The following SV2B variants were observed in gnomAD, a reference collection of about 807,000 sequenced individuals.
The protein encoded by SV2B is solute carrier family 22 member B2.
Under a neutral mutation model 73.9 loss-of-function variants are expected in SV2B, and 41 were observed. The ratio of observed to expected loss-of-function variants is 0.56; its 90% confidence interval spans 0.43 to 0.72. The LOEUF (loss-of-function observed/expected upper bound fraction) is 0.72. SV2B is among the 30% of genes least tolerant of loss of function. SV2B has a pLI of 0.00. For missense variants in SV2B, 764 were observed against 857.8 expected (o/e 0.89, Z 1.37); for synonymous variants, 314 against 314.2 (o/e 1.00, Z 0.01).
intron 9 of SV2B, among the ~76,000 whole-genome samples, chr15:91,274,032 TGGG>T (rs548578316): frequency 8.7e-4 from 131 of 151,148 alleles, no homozygotes; most frequent in African/African-American, 1.5e-3. Context: ...AATACTCTGT[TGGG>T]GGAGAAAACT....
rs1244652784 is a variant in SV2B at position 91,240,719 on chromosome 15, G to A, written c.452-11100G>A. 3.9e-5 allele frequency among the ~76,000 whole-genome samples: 6 copies of A among 151,960 alleles called. No homozygotes were observed. Among genetic ancestry groups the A allele is most frequent in the African/African-American group, 1.2e-4 (5 of 41,362 alleles). ...TCTTTATCCCTGTATGTCAATCACCGTGAGAGGTTCATGTCTGCCAGGACA... is the reference window on the plus strand; with the variant it reads ...TCTTTATCCCTGTATGTCAATCACCATGAGAGGTTCATGTCTGCCAGGACA... On this transcript the variant is annotated intron_variant, in intron 2 of 12. Coordinates refer to ENST00000394232, the MANE Select transcript of SV2B (RefSeq NM_001323032.3). The surrounding 1 kb of genome is among the most constrained non-coding windows in gnomAD (Gnocchi z 4.6).
At position 91,234,410 on chromosome 15, in the gene SV2B, G is replaced by C. The variant is rs1567373467; in HGVS notation, c.451+7696G>C. Among the ~76,000 whole-genome samples, 1 of 152,180 alleles carries C rather than the reference G, an allele frequency of 6.6e-6. No individual in the cohort carries two copies. Among genetic ancestry groups the C allele is most frequent in the Admixed American group, 6.6e-5 (1 of 15,264 alleles). ...GCAGTGGGAATAATTGGATCCCAGG[G>C]TGCAAGGGCCAAGTGGTGGCACTCA... On this transcript the variant is annotated intron_variant, in intron 2 of 12. Coordinates refer to ENST00000394232, the MANE Select transcript of SV2B (RefSeq NM_001323032.3). The surrounding 1 kb of genome is among the most constrained non-coding windows in gnomAD (Gnocchi z 5.6).
chr15:91,180,298 C>G (rs1395213059), intron 1 of SV2B, among the ~76,000 whole-genome samples: 1 of 152,154 alleles, frequency 6.6e-6, no homozygotes, highest in African/African-American at 2.4e-5. Flanking sequence ...TGTGGGTAAC[C>G]TGACCTTTCT....
chr15:91,301,854 A>G lies in SV2B; in HGVS notation c.*9302A>G, dbSNP rs1437803261. Among the ~76,000 whole-genome samples the G allele has an allele frequency of 1.3e-5, 2 of 152,216 alleles. No individual in the cohort carries two copies. Among genetic ancestry groups the G allele is most frequent in the East Asian group, 3.8e-4 (2 of 5,198 alleles). On this transcript the variant is annotated 3_prime_UTR_variant, in exon 13 of 13. Transcript: ENST00000394232. This position sits in a 1 kb window ranked among gnomAD's most constrained non-coding sequence, Gnocchi z 4.3. ...TTGGAGTACACGTTGGCGCTCAAAA[A>G]GTTTTCAATTTGGGAGCATTTCGGA...
chr15:91,267,642 A>G lies in SV2B; in HGVS notation c.1207A>G (p.Ser403Gly). Residue 403 changes from serine to glycine, a missense_variant and splice_region_variant, in exon 8 of 13, where the codon AGT becomes GGT. Physicochemically the swap from Ser to Gly is moderately conservative, Grantham distance 56 (BLOSUM62 0). Transcript: ENST00000394232. This position sits in a 1 kb window ranked among gnomAD's most constrained non-coding sequence, Gnocchi z 4.3. The part of the protein sequence containing the change: ...LAVVWFAMAF[S>G]YYGLTVWFPD... ...CGTGGTTTGGTTTGCCATGGCATTC[A>G]GGTAAGTTCTGTCTTACTTAAATTT... The G allele has an allele frequency of 1.2e-6, 2 of 1,610,740 alleles. No individual in the cohort carries two copies. Among genetic ancestry groups the G allele is most frequent in the Non-Finnish European group, 1.7e-6 (2 of 1,178,236 alleles).
chr15:91,271,409 G>A (rs1429085091), intron 9 of SV2B, among the ~76,000 whole-genome samples: 1 of 152,218 alleles, frequency 6.6e-6, no homozygotes, highest in African/African-American at 2.4e-5. Context: ...CAAGGTCTGG[G>A]AATGTATAGG....
At chr15:91,179,339 T>C (rs969855058) in intron 1 of SV2B, among the ~76,000 whole-genome samples, 2 of 152,156 alleles carry the variant, frequency 1.3e-5, no homozygotes, top group Non-Finnish European at 2.9e-5. Context: ...GGAATAGGTG[T>C]GGTGTGGTGC....
Position 91,241,085 on chromosome 15 carries a change from C to T in SV2B, c.452-10734C>T, listed in dbSNP as rs1356881104. Among the ~76,000 whole-genome samples, 1 of 152,192 alleles carries T rather than the reference C, an allele frequency of 6.6e-6. No individual in the cohort carries two copies. Among genetic ancestry groups the T allele is most frequent in the African/African-American group, 2.4e-5 (1 of 41,440 alleles). On this transcript the variant is annotated intron_variant, in intron 2 of 12. Coordinates refer to ENST00000394232, the MANE Select transcript of SV2B (RefSeq NM_001323032.3). This position sits in a 1 kb window ranked among gnomAD's most constrained non-coding sequence, Gnocchi z 4.8. ...TTCCAGGTTCATCACGGTCACATTC[C>T]AACCATCTCTCTATTATTGTCCTTG... is the stretch of plus-strand genomic sequence containing the variant.
intron 4 of SV2B, among the ~76,000 whole-genome samples, chr15:91,254,865 G>T (rs751867654): frequency 6.6e-6 from 1 of 152,214 alleles, no homozygotes; most frequent in East Asian, 1.9e-4. Flanking sequence ...TTTGCAGACT[G>T]CTTGTTTCAT....
rs2046511999 is a variant in SV2B, at chr15:91,229,942, T to G, written c.451+3228T>G. ...TGTCTTTCCCCATCCTCTCTCTGTT[T>G]TAAAAAGAAACTCTCTGGTTGGGTG... is the stretch of plus-strand genomic sequence containing the variant. On this transcript the variant is annotated intron_variant, in intron 2 of 12. Coordinates refer to ENST00000394232, the MANE Select transcript of SV2B (RefSeq NM_001323032.3). The surrounding 1 kb of genome is among the most constrained non-coding windows in gnomAD (Gnocchi z 4.3). Among the ~76,000 whole-genome samples, 1 of 152,180 alleles carries G rather than the reference T, an allele frequency of 6.6e-6. No homozygotes were observed. Among genetic ancestry groups the G allele is most frequent in the African/African-American group, 2.4e-5 (1 of 41,452 alleles).
intron 11 of SV2B, among the ~76,000 whole-genome samples, chr15:91,287,496 A>G (rs1264444115): frequency 6.6e-6 from 1 of 152,044 alleles, no homozygotes; most frequent in Admixed American, 6.5e-5. Context: ...TCCACCTTGG[A>G]CTTGGAGCTT....
chr15:91,150,041 G>A (rs1400342668), intron 1 of SV2B, among the ~76,000 whole-genome samples: 1 of 151,960 alleles, frequency 6.6e-6, no homozygotes, highest in Admixed American at 6.6e-5. Flanking sequence ...GTCTCACTCT[G>A]TCACCCAGGC....
At chr15:91,145,106 T>G (rs1162615283) in intron 1 of SV2B, among the ~76,000 whole-genome samples, 2 of 152,294 alleles carry the variant, frequency 1.3e-5, no homozygotes, top group South Asian at 4.1e-4. Flanking sequence ...CTAGTACCCA[T>G]TAGTTATTGT....
intron 1 of SV2B, among the ~76,000 whole-genome samples, chr15:91,178,600 T>C (rs1261466467): frequency 6.6e-6 from 1 of 152,228 alleles, no homozygotes; most frequent in Non-Finnish European, 1.5e-5. Flanking sequence ...GAGATTCAAC[T>C]TCTTCCTGAT....
rs922731770 is a variant in SV2B, at chr15:91,106,688, G to C, written c.-392+6325G>C. 3.9e-5 allele frequency among the ~76,000 whole-genome samples: 6 copies of C among 152,198 alleles called. No homozygotes were observed. Among genetic ancestry groups the C allele is most frequent in the Non-Finnish European group, 8.8e-5 (6 of 68,036 alleles). On this transcript the variant is annotated intron_variant, in intron 1 of 12. Transcript: ENST00000394232. The surrounding 1 kb of genome is among the most constrained non-coding windows in gnomAD (Gnocchi z 4.4). ...CTCATATTTTCAAAAAATGAGAAAA[G>C]ATCCTTTAGAGGGAGGTGGCTGAAA...
chr15:91,282,900 C>T (rs1236198898), intron 10 of SV2B, among the ~76,000 whole-genome samples: 7 of 152,108 alleles, frequency 4.6e-5, no homozygotes, highest in East Asian at 1.9e-4. Context: ...TAATGAGTTC[C>T]GGAAGTTTAA....
intron 1 of SV2B, among the ~76,000 whole-genome samples, chr15:91,103,034 G>A (rs1277649897): frequency 2.0e-5 from 3 of 152,162 alleles, no homozygotes; most frequent in South Asian, 2.1e-4. Flanking sequence ...GGGGCAACAC[G>A]GCAGGTATTT....
At position 91,265,199 on chromosome 15, in the gene SV2B, G is replaced by A. The variant is rs2048058756; in HGVS notation, c.1009-1383G>A. Among the ~76,000 whole-genome samples the A allele has an allele frequency of 6.6e-6, 1 of 152,144 alleles. No homozygotes were observed. Among genetic ancestry groups the A allele is most frequent in the South Asian group, 2.1e-4 (1 of 4,828 alleles). ...TGGCCTGGAGGGAGAGCTTAGGGCA[G>A]TCACACTCTTAGTTGATGCCCATGC... On this transcript the variant is annotated intron_variant, in intron 6 of 12. Coordinates refer to ENST00000394232, the MANE Select transcript of SV2B (RefSeq NM_001323032.3). The surrounding 1 kb of genome is among the most constrained non-coding windows in gnomAD (Gnocchi z 4.2).
chr15:91,226,553 C>T lies in SV2B; in HGVS notation c.290C>T (p.Thr97Ile), dbSNP rs750889605. 6.2e-7 allele frequency: 1 copy of T among 1,614,198 alleles called. No individual in the cohort carries two copies. Among genetic ancestry groups the T allele is most frequent in the East Asian group, 2.2e-5 (1 of 44,868 alleles). The part of the protein sequence containing the change: ...DEEQLAHQYE[T>I]IMDECGHGRF... Reference sequence around the variant, plus strand: ...GAGCAGTTGGCCCACCAGTACGAGACCATCATGGATGAGTGTGGCCATGGC... The same window carrying T: ...GAGCAGTTGGCCCACCAGTACGAGATCATCATGGATGAGTGTGGCCATGGC... The change falls in exon 2 of 13, where the codon ACC becomes ATC. Residue 97 changes from threonine (T) to isoleucine (I), a missense_variant. Thr to Ile is a moderately conservative substitution (Grantham distance 89). Transcript: ENST00000394232.
Sources: allele counts gnomAD v4.1 joint callset (sites outside exome capture counted in the v4.1 genomes callset), GRCh38; gene constraint gnomAD v4.1.1; non-coding constraint Gnocchi (gnomAD v3.1); transcripts MANE v1.5; gene names NCBI Gene and HGNC (gene_info 2026-07-23, HGNC 2026-07-21).